The following BACH2 variants were observed in gnomAD, a reference collection of about 807,000 sequenced individuals.
The protein encoded by BACH2 is BACH transcriptional regulator 2.
In BACH2, 5 loss-of-function variants were observed where a neutral mutation model predicts 61.8. That is an observed-to-expected ratio of 0.08 (90% CI 0.04 to 0.17). The LOEUF (loss-of-function observed/expected upper bound fraction) is 0.17. Ranked by LOEUF, BACH2 falls within the 10% of genes least tolerant of loss-of-function variation. The probability of loss-of-function intolerance (pLI) is 1.00; values close to 1 mark genes in which losing one functional copy is unlikely to be tolerated. For missense variants in BACH2, 824 were observed against 1,091.1 expected (o/e 0.76, Z 3.45); for synonymous variants, 446 against 440.1 (o/e 1.01, Z -0.17).
chr6:89,960,063 C>T (rs965293571), intron 6 of BACH2, among the ~76,000 whole-genome samples: 1 of 152,178 alleles, frequency 6.6e-6, no homozygotes, highest in Non-Finnish European at 1.5e-5. Flanking sequence ...CCGAGGCACC[C>T]GCCCCTCCAC....
chr6:90,023,976 A>C (rs889365348), intron 5 of BACH2, among the ~76,000 whole-genome samples: 7 of 152,246 alleles, frequency 4.6e-5, no homozygotes, highest in Non-Finnish European at 1.0e-4. Context: ...TATAAAGAAA[A>C]GACTCAGAAT....
chr6:90,073,052 A>T (rs1038102623), intron 5 of BACH2, among the ~76,000 whole-genome samples: 3 of 152,242 alleles, frequency 2.0e-5, no homozygotes, highest in Admixed American at 1.3e-4. Flanking sequence ...GATGGTACTG[A>T]GGGAGGAGGT....
Position 90,062,946 on chromosome 6 carries a change from G to C in BACH2, c.-13+26015C>G, listed in dbSNP as rs374322869. 39 of 984,958 alleles carry C rather than the reference G, an allele frequency of 4.0e-5. No individual in the cohort carries two copies. The African/African-American group carries it at 6.6e-4, about 17-fold the overall frequency. The allele number at this position is 984,958 out of a possible 1,614,324, so 61.0% of individuals were successfully genotyped here. On this transcript the variant is annotated intron_variant, in intron 5 of 8. Transcript: ENST00000257749. ...CTGATCTGAGAAGTCTCTTCCACTT[G>C]CGTTTTTCTTCTTTTACCTGGCAAT...
At chr6:89,953,520 C>T (rs1774247936) in intron 6 of BACH2, among the ~76,000 whole-genome samples, 1 of 152,174 alleles carries the variant, frequency 6.6e-6, no homozygotes, top group African/African-American at 2.4e-5. Context: ...ATTATAAATT[C>T]TATATGGGCA....
intron 5 of BACH2, among the ~76,000 whole-genome samples, chr6:90,026,242 T>C (rs1215573129): frequency 6.6e-6 from 1 of 151,964 alleles, no homozygotes; most frequent in African/African-American, 2.4e-5. Context: ...TCAGATGTCA[T>C]AAAGGAGTGG....
intron 6 of BACH2, among the ~76,000 whole-genome samples, chr6:89,955,454 AGGGGGC>A (rs1248256657): frequency 6.6e-6 from 1 of 152,174 alleles, no homozygotes; most frequent in African/African-American, 2.4e-5. Flanking sequence ...GGGACTAGCA[AGGGGGC>A]CCCTTGAACA....
intron 5 of BACH2, among the ~76,000 whole-genome samples, chr6:90,072,969 C>T (rs1319273616): frequency 6.6e-6 from 1 of 152,164 alleles, no homozygotes; most frequent in Non-Finnish European, 1.5e-5. Context: ...CCTCACATAG[C>T]TTATAAAAAT....
At chr6:90,144,851 G>T (rs78659720) in intron 4 of BACH2, among the ~76,000 whole-genome samples, 2,220 of 152,232 alleles carry the variant, frequency 0.015, 54 homozygotes, top group African/African-American at 0.051. Context: ...CCCAGAGAGC[G>T]ATCATCCGTG....
intron 5 of BACH2, among the ~76,000 whole-genome samples, chr6:90,059,352 C>T (rs1333176381): frequency 6.6e-6 from 1 of 152,200 alleles, no homozygotes; most frequent in Non-Finnish European, 1.5e-5. Context: ...GACATTTATG[C>T]AGCCAAAAGA....
At chr6:89,956,313 G>A (rs1463313047) in intron 6 of BACH2, among the ~76,000 whole-genome samples, 1 of 152,160 alleles carries the variant, frequency 6.6e-6, no homozygotes, top group Non-Finnish European at 1.5e-5. Flanking sequence ...CCTCGGAGAA[G>A]GCAGAAAGTT....
intron 6 of BACH2, chr6:89,952,897 G>C (rs1393606072): frequency 6.6e-6 from 1 of 152,194 alleles, no homozygotes; most frequent in Non-Finnish European, 1.5e-5. Flanking sequence ...AAACTTGCTG[G>C]TGTTCATCAG....
At chr6:90,100,345 TAA>T (rs1320924129) in intron 4 of BACH2, among the ~76,000 whole-genome samples, 1 of 152,226 alleles carries the variant, frequency 6.6e-6, no homozygotes. Context: ...TTAATTTGGC[TAA>T]GTCACCATAC....
intron 4 of BACH2, among the ~76,000 whole-genome samples, chr6:90,194,812 C>T (rs146987662): frequency 6.6e-6 from 1 of 152,284 alleles, no homozygotes; most frequent in East Asian, 1.9e-4. Context: ...CCTGAACTGG[C>T]TATTGTTCAG....
chr6:90,082,376 A>G (rs932389913), intron 5 of BACH2, among the ~76,000 whole-genome samples: 1 of 152,122 alleles, frequency 6.6e-6, no homozygotes, highest in East Asian at 1.9e-4. Context: ...AGGAATTTCC[A>G]CCTGATAAAG....
At position 89,972,391 on chromosome 6, in the gene BACH2, G is replaced by A. The variant is rs78237573; in HGVS notation, c.244-20529C>T. ...ATGAGAGAGGCCATTAGGAGGAAGA[G>A]TTGGCGAAGTCTGAGAGTATAGGCC... On this transcript the variant is annotated intron_variant, in intron 6 of 8. Coordinates refer to ENST00000257749, the MANE Select transcript of BACH2 (RefSeq NM_021813.4). Among the ~76,000 whole-genome samples, 357 of 152,304 alleles carry A rather than the reference G, an allele frequency of 2.3e-3. 1 individual carries two copies. The highest frequency in any genetic ancestry group is 3.9e-3 in the Non-Finnish European group (264 of 68,026).
intron 3 of BACH2, among the ~76,000 whole-genome samples, chr6:90,248,137 C>T (rs955823038): frequency 2.0e-5 from 3 of 152,152 alleles, no homozygotes; most frequent in Non-Finnish European, 2.9e-5. Flanking sequence ...GGCAACAACC[C>T]GTCCACATGT....
At chr6:89,935,690 T>C (rs1170351152) in intron 8 of BACH2, among the ~76,000 whole-genome samples, 1 of 152,258 alleles carries the variant, frequency 6.6e-6, no homozygotes, top group Non-Finnish European at 1.5e-5. Flanking sequence ...CAAAGCGCTT[T>C]AGATATCTGC....
intron 5 of BACH2, among the ~76,000 whole-genome samples, chr6:90,010,478 C>T (rs1777650530): frequency 6.6e-6 from 1 of 151,580 alleles, no homozygotes; most frequent in African/African-American, 2.4e-5. Flanking sequence ...TATAGCGTAA[C>T]TTTTTTTTTA....
intron 5 of BACH2, among the ~76,000 whole-genome samples, chr6:90,054,601 T>G (rs1780228480): frequency 6.6e-6 from 1 of 152,204 alleles, no homozygotes; most frequent in Admixed American, 6.5e-5. Context: ...TAAATGTCCC[T>G]CTCTGACAGC....
Sources: allele counts gnomAD v4.1 joint callset (sites outside exome capture counted in the v4.1 genomes callset), GRCh38; gene constraint gnomAD v4.1.1; transcripts MANE v1.5; gene names NCBI Gene and HGNC (gene_info 2026-07-23, HGNC 2026-07-21).